Variants in ROBO2 observed in about 807,000 individuals in gnomAD.
ROBO2 encodes the protein roundabout guidance receptor 2.
A neutral mutation model predicts 160.8 loss-of-function variants in ROBO2; 53 were observed. The observed-to-expected ratio is 0.33, with a 90% CI of 0.26 to 0.41. The LOEUF (loss-of-function observed/expected upper bound fraction) is 0.41. ROBO2 is among the 10% of genes least tolerant of loss of function. ROBO2 has a pLI of 1.00. For missense variants in ROBO2, 1,577 were observed against 1,722.4 expected (o/e 0.92, Z 1.49); for synonymous variants, 664 against 611.7 (o/e 1.09, Z -1.26).
intron 2 of ROBO2, among the ~76,000 whole-genome samples, chr3:77,099,835 A>G (rs929245430): frequency 6.6e-6 from 1 of 152,082 alleles, no homozygotes; most frequent in African/African-American, 2.4e-5. Flanking sequence ...TCAGACAATA[A>G]ATTAATGGGG....
At chr3:76,386,189 G>A (rs912004535) in intron 2 of ROBO2, among the ~76,000 whole-genome samples, 2 of 152,068 alleles carry the variant, frequency 1.3e-5, no homozygotes, top group Non-Finnish European at 2.9e-5. Flanking sequence ...TTCTGAGGAT[G>A]TATTCATGCA....
rs539570880 is a variant in ROBO2, at chr3:77,203,068, G to C, written c.388+104728G>C. On this transcript the variant is annotated intron_variant, in intron 2 of 25. Coordinates refer to ENST00000461745, the Ensembl canonical transcript of ROBO2. ...CAAGTCATGGTGTAAAGTCAGTTGG[G>C]ATTTGAAGGGAGGTATGTCTCCCTA... Among the ~76,000 whole-genome samples the C allele has an allele frequency of 8.5e-5, 13 of 152,316 alleles. No individual in the cohort carries two copies. The South Asian group carries it at 2.7e-3, about 32-fold the overall frequency.
upstream of ROBO2, among the ~76,000 whole-genome samples, chr3:77,035,551 C>A (rs974318649): frequency 6.6e-6 from 1 of 151,832 alleles, no homozygotes; most frequent in Non-Finnish European, 1.5e-5. Context: ...ATATTTTAGT[C>A]AACTTAAATT....
chr3:77,582,297 C>T (rs956067761), intron 16 of ROBO2, among the ~76,000 whole-genome samples: 1 of 152,158 alleles, frequency 6.6e-6, no homozygotes, highest in East Asian at 1.9e-4. Flanking sequence ...GACAGGGTTT[C>T]ACCATGTTGG....
chr3:77,285,027 A>C (rs116001545), intron 2 of ROBO2, among the ~76,000 whole-genome samples: 386 of 152,306 alleles, frequency 2.5e-3, no homozygotes, highest in African/African-American at 8.9e-3. Flanking sequence ...TGAGGGAAAG[A>C]AGCCAGAAGC....
At chr3:77,432,398 C>T (rs928339925) in intron 2 of ROBO2, among the ~76,000 whole-genome samples, 4 of 152,074 alleles carry the variant, frequency 2.6e-5, no homozygotes, top group African/African-American at 9.7e-5. Flanking sequence ...TATAGCGGTG[C>T]ATGGAAGCAA....
intron 2 of ROBO2, among the ~76,000 whole-genome samples, chr3:76,261,037 G>T (rs1475517785): frequency 6.6e-6 from 1 of 152,028 alleles, no homozygotes; most frequent in African/African-American, 2.4e-5. Flanking sequence ...TGAAATGGGA[G>T]TTGGGGAAGG....
chr3:77,217,340 A>T (rs1165259238), intron 2 of ROBO2, among the ~76,000 whole-genome samples: 1 of 152,028 alleles, frequency 6.6e-6, no homozygotes, highest in Non-Finnish European at 1.5e-5. Context: ...ATGGGGTTTC[A>T]CCATGTTGGC....
intron 2 of ROBO2, among the ~76,000 whole-genome samples, chr3:76,618,764 A>G (rs73114474): frequency 0.03 from 4,577 of 151,890 alleles, 123 homozygotes; most frequent in Middle Eastern, 0.068. Context: ...TCCTGATAAA[A>G]AGTGAATACA....
At chr3:76,232,600 T>C (rs190034429) in intron 2 of ROBO2, among the ~76,000 whole-genome samples, 9 of 152,378 alleles carry the variant, frequency 5.9e-5, no homozygotes, top group East Asian at 3.9e-4. Flanking sequence ...ACAGTCATTG[T>C]ATCTGAATTG....
intron 2 of ROBO2, among the ~76,000 whole-genome samples, chr3:76,259,161 T>C (rs1706583919): frequency 1.3e-5 from 2 of 152,122 alleles, no homozygotes; most frequent in Non-Finnish European, 2.9e-5. Context: ...TGTTTTGTTT[T>C]GCTTTTTGTT....
At chr3:77,469,355 C>T (rs558087701) in intron 2 of ROBO2, among the ~76,000 whole-genome samples, 2 of 152,200 alleles carry the variant, frequency 1.3e-5, no homozygotes, top group African/African-American at 4.8e-5. Flanking sequence ...GTGGCTGCCA[C>T]CTATAGCCAT....
intron 23 of ROBO2, chr3:77,634,259 T>C (rs1466886270): frequency 6.5e-6 from 1 of 154,314 alleles, no homozygotes; most frequent in Non-Finnish European, 1.4e-5. Flanking sequence ...ATATACAAGG[T>C]GATTTTAACC....
chr3:76,703,125 G>A (rs1481743523), intron 2 of ROBO2, among the ~76,000 whole-genome samples: 1 of 152,086 alleles, frequency 6.6e-6, no homozygotes, highest in African/African-American at 2.4e-5. Flanking sequence ...GACAAATTCA[G>A]TAAAACAAAT....
At chr3:76,450,770 A>G (rs2077433376) in intron 2 of ROBO2, among the ~76,000 whole-genome samples, 1 of 152,202 alleles carries the variant, frequency 6.6e-6, no homozygotes, top group Non-Finnish European at 1.5e-5. Flanking sequence ...TGCAAATTTC[A>G]AATGCTTGCA....
intron 1 of ROBO2, among the ~76,000 whole-genome samples, chr3:77,067,028 T>TCTCACA (rs1553754384): frequency 7.3e-6 from 1 of 136,840 alleles, no homozygotes; most frequent in South Asian, 2.4e-4. Context: ...ACACACACAC[T>TCTCACA]CACACACACA....
intron 2 of ROBO2, among the ~76,000 whole-genome samples, chr3:76,367,509 C>A (rs1415305201): frequency 1.3e-5 from 2 of 151,956 alleles, no homozygotes; most frequent in African/African-American, 4.8e-5. Flanking sequence ...TGCATCACAA[C>A]TTCCTGTGGT....
intron 2 of ROBO2, among the ~76,000 whole-genome samples, chr3:76,073,439 C>A (rs951984927): frequency 6.6e-6 from 1 of 150,686 alleles, no homozygotes; most frequent in Non-Finnish European, 1.5e-5. Flanking sequence ...ACTACAGGCG[C>A]CGCCCCCACG....
chr3:76,390,247 C>T (rs2077083393), intron 2 of ROBO2, among the ~76,000 whole-genome samples: 1 of 152,088 alleles, frequency 6.6e-6, no homozygotes, highest in Non-Finnish European at 1.5e-5. Context: ...ACACTATCAT[C>T]ATAAAATCTC....
Sources: allele counts gnomAD v4.1 joint callset (sites outside exome capture counted in the v4.1 genomes callset), GRCh38; gene constraint gnomAD v4.1.1; transcripts MANE v1.5; gene names NCBI Gene and HGNC (gene_info 2026-07-23, HGNC 2026-07-21).